STK10: variants seen among roughly 807,000 people sequenced by gnomAD.
The protein encoded by STK10 is serine/threonine kinase 10.
STK10 carries 78 observed loss-of-function variants against 113.8 expected under a neutral mutation model. That is an observed-to-expected ratio of 0.69 (90% confidence interval 0.57 to 0.83). STK10 has a LOEUF of 0.83. Ranked by LOEUF, STK10 falls within the 40% of genes least tolerant of loss-of-function variation. The pLI is 0.00. For synonymous variants in STK10, 465 were observed against 494.7 expected (o/e 0.94, Z 0.80); for missense variants, 1,109 against 1,280.1 (o/e 0.87, Z 2.04).
chr5:172,084,550 GTA>G (rs1398518205), intron 10 of STK10, among the ~76,000 whole-genome samples: 2 of 151,978 alleles, frequency 1.3e-5, no homozygotes, highest in Admixed American at 6.6e-5. Context: ...ACACATATAT[GTA>G]TTGTTTACTT....
At chr5:172,163,559 G>GCA (rs781322385) in intron 1 of STK10, among the ~76,000 whole-genome samples, 22 of 152,276 alleles carry the variant, frequency 1.4e-4, no homozygotes, top group Non-Finnish European at 2.1e-4. Flanking sequence ...TCCCAAGTGA[G>GCA]CAGACTGAGG....
At chr5:172,113,191 G>A (rs1336203764) in intron 4 of STK10, among the ~76,000 whole-genome samples, 1 of 152,164 alleles carries the variant, frequency 6.6e-6, no homozygotes, top group African/African-American at 2.4e-5. Flanking sequence ...GGGCCAGGAT[G>A]TGGTGAAAAG....
chr5:172,094,008 C>A, intron 8 of STK10, 48 bp from the exon 9 acceptor site: 1 of 1,288,088 alleles, frequency 7.8e-7, no homozygotes, highest in South Asian at 2.9e-5. Context: ...GCTGTATGTT[C>A]AAGGCAAGAG....
At chr5:172,178,483 T>C (rs1440950805) in intron 1 of STK10, among the ~76,000 whole-genome samples, 5 of 152,184 alleles carry the variant, frequency 3.3e-5, no homozygotes. Context: ...TCCTCCCCCA[T>C]GACACACTGG....
intron 5 of STK10, among the ~76,000 whole-genome samples, chr5:172,107,230 G>A (rs540374450): frequency 1.3e-5 from 2 of 152,298 alleles, no homozygotes; most frequent in East Asian, 3.9e-4. Flanking sequence ...AGCAAGAAAG[G>A]AGCCCAAACT....
chr5:172,053,103 G>T, intron 17 of STK10, 61 bp from the exon 18 acceptor site: 1 of 1,375,192 alleles, frequency 7.3e-7, no homozygotes, highest in Non-Finnish European at 1.0e-6. Flanking sequence ...TGAAGACTGA[G>T]ACACACCTCA....
intron 13 of STK10, 42 bp downstream of exon 13, chr5:172,064,678 C>T (rs3812021): frequency 0.059 from 94,492 of 1,604,344 alleles, 4,257 homozygotes; most frequent in African/African-American, 0.22. Flanking sequence ...TTCCAGGTCT[C>T]GCACCAGCCC....
chr5:172,083,289 A>G lies in STK10; in HGVS notation c.1686-205T>C, dbSNP rs557164826. ...CTTAATAAATAAAGAGTGCTTACAA[A>G]TCAATAAAAAGGAAGATTATCCTAA... On this transcript the variant is annotated intron_variant, in intron 10 of 18. Coordinates refer to ENST00000176763, the MANE Select transcript of STK10 (RefSeq NM_005990.4). 3.7e-4 allele frequency among the ~76,000 whole-genome samples: 56 copies of G among 152,336 alleles called. 1 individual carries two copies. The South Asian group carries it at 0.011, about 29-fold the overall frequency.
intron 1 of STK10, among the ~76,000 whole-genome samples, chr5:172,167,054 G>A (rs1440500592): frequency 1.3e-5 from 2 of 152,024 alleles, no homozygotes; most frequent in Admixed American, 6.6e-5. Context: ...CAGCTACTCG[G>A]GAGGCTGGGG....
Position 172,133,934 on chromosome 5 carries a change from T to G in STK10, c.322-6513A>C, listed in dbSNP as rs1769804728. 6.6e-6 allele frequency among the ~76,000 whole-genome samples: 1 copy of G among 152,158 alleles called. No individual in the cohort carries two copies. ...CACCAACGGCTCTCCAACTTGAACG[T>G]TCAGCAGAGTGCTTGTTAAAACAGA... On this transcript the variant is annotated intron_variant, in intron 2 of 18. Transcript: ENST00000176763. The surrounding 1 kb of genome is among the most constrained non-coding windows in gnomAD (Gnocchi z 4.9).
At chr5:172,174,854 A>G (rs975626129) in intron 1 of STK10, among the ~76,000 whole-genome samples, 6 of 152,148 alleles carry the variant, frequency 3.9e-5, no homozygotes, top group Non-Finnish European at 8.8e-5. Flanking sequence ...CAGAGGCACC[A>G]CTGGCCTCCA....
At chr5:172,113,768 C>G (rs1297189707) in intron 4 of STK10, among the ~76,000 whole-genome samples, 1 of 152,088 alleles carries the variant, frequency 6.6e-6, no homozygotes, top group Non-Finnish European at 1.5e-5. Flanking sequence ...ACGAAATTAG[C>G]CAGGCGTGGT....
intron 1 of STK10, among the ~76,000 whole-genome samples, chr5:172,158,454 C>G (rs1770399378): frequency 6.6e-6 from 1 of 152,038 alleles, no homozygotes; most frequent in Non-Finnish European, 1.5e-5. Flanking sequence ...ATGGTGAAAC[C>G]CCATCTCACT....
At chr5:172,062,677 C>T (rs890882606) in intron 13 of STK10, among the ~76,000 whole-genome samples, 12 of 152,224 alleles carry the variant, frequency 7.9e-5, no homozygotes, top group African/African-American at 2.9e-4. Flanking sequence ...ATTCCACTTA[C>T]ATGAGGTACC....
intron 9 of STK10, among the ~76,000 whole-genome samples, chr5:172,090,773 A>G (rs1768683130): frequency 6.6e-6 from 1 of 151,716 alleles, no homozygotes; most frequent in South Asian, 2.1e-4. Flanking sequence ...TGTCTCTACT[A>G]AAAATACAAA....
chr5:172,114,832 A>G (rs7718360), intron 4 of STK10: 28,848 of 151,512 alleles, frequency 0.19, 3,492 homozygotes, highest in African/African-American at 0.34. Context: ...ACGCGTGCCC[A>G]TTTGATAAGG....
chr5:172,057,386 A>C lies in STK10; in HGVS notation c.2300T>G (p.Phe767Cys). Residue 767 changes from phenylalanine to cysteine, a missense_variant, in exon 15 of 19, where the codon TTC becomes TGC. Around this residue, in one of 5 missense-constraint regions of STK10, gnomAD observed 885 missense variants for 991.1 expected, o/e 0.89. Coordinates refer to ENST00000176763, the MANE Select transcript of STK10 (RefSeq NM_005990.4). ...GCGCAGCAGCTCGTGCCGCTGGAGG[A>C]AGTACTGGTCTTTGAGCTGCTGCTT... ...LVKQQLKDQYFLQRHELLRKH... is the reference protein window; with the variant it reads ...LVKQQLKDQYCLQRHELLRKH... 6.4e-7 allele frequency: 1 copy of C among 1,562,722 alleles called. No individual in the cohort carries two copies. Among genetic ancestry groups the C allele is most frequent in the Non-Finnish European group, 8.7e-7 (1 of 1,153,504 alleles).
chr5:172,120,922 G>A lies in STK10; in HGVS notation c.371-3292C>T, dbSNP rs1221762646. Among the ~76,000 whole-genome samples the A allele has an allele frequency of 6.6e-6, 1 of 152,138 alleles. No homozygotes were observed. Among genetic ancestry groups the A allele is most frequent in the African/African-American group, 2.4e-5 (1 of 41,428 alleles). ...GGAGCCCTTATAATGTGTCAGGCAT[G>A]AGGATAAGGACACGGTGCATACTGT... On this transcript the variant is annotated intron_variant, in intron 3 of 18. Coordinates refer to ENST00000176763, the MANE Select transcript of STK10 (RefSeq NM_005990.4). This position sits in a 1 kb window ranked among gnomAD's most constrained non-coding sequence, Gnocchi z 4.0.
At chr5:172,066,636 A>C (rs1312033081) in intron 12 of STK10, among the ~76,000 whole-genome samples, 1 of 152,194 alleles carries the variant, frequency 6.6e-6, no homozygotes, top group Non-Finnish European at 1.5e-5. Context: ...AAAAATACAA[A>C]AATCAGCCGG....
Sources: gnomAD v4.1 joint callset for allele counts (sites outside exome capture counted in the v4.1 genomes callset) on GRCh38, gnomAD v4.1.1 for gene constraint, gnomAD v4.1.1 regional missense constraint, Gnocchi (gnomAD v3.1) non-coding constraint, MANE v1.5 for transcripts, NCBI Gene and HGNC (gene_info 2026-07-23, HGNC 2026-07-21) for gene names.